Variants in DPP6 observed in about 807,000 individuals in gnomAD.
The protein encoded by DPP6 is A-type potassium channel modulatory protein DPP6.
DPP6 carries 69 observed loss-of-function variants against 122.6 expected under a neutral mutation model. The observed-to-expected ratio is 0.56, with a 90% CI of 0.46 to 0.69. DPP6 has a LOEUF of 0.69. Among genes scored for constraint, DPP6 ranks in the 30% least tolerant of loss-of-function variants. DPP6 has a pLI of 0.00. For missense variants in DPP6, 928 were observed against 1,116.9 expected, an observed-to-expected ratio of 0.83 and a Z score of 2.41; for synonymous variants, 418 against 433.1, an observed-to-expected ratio of 0.97 and a Z score of 0.43.
Position 154,403,185 on chromosome 7 carries a change from C to T in DPP6, c.244-43029C>T, listed in dbSNP as rs1380125433. 1.3e-5 allele frequency among the ~76,000 whole-genome samples: 2 copies of T among 152,188 alleles called. No individual in the cohort carries two copies. The highest frequency in any genetic ancestry group is 2.4e-5 in the African/African-American group (1 of 41,450). ...GTGTCACCCACGTTAGTTCCCTGGA[C>T]TCAGCAGGTCGCCACCGTGAGGCCC... On this transcript the variant is annotated intron_variant, in intron 1 of 25. Transcript: ENST00000377770. The surrounding 1 kb of genome is among the most constrained non-coding windows in gnomAD (Gnocchi z 4.1).
chr7:154,785,602 A>G (rs1372986844), intron 10 of DPP6, among the ~76,000 whole-genome samples: 1 of 152,106 alleles, frequency 6.6e-6, no homozygotes. Context: ...CCTTTCCTAC[A>G]AGTCCCTTTC....
At position 154,240,562 on chromosome 7, in the gene DPP6, G is replaced by T. The variant is rs116484923; in HGVS notation, c.243+187499G>T. On this transcript the variant is annotated intron_variant, in intron 1 of 25. Coordinates refer to ENST00000377770, the MANE Select transcript of DPP6 (RefSeq NM_130797.4). ...AAGCTATTATAAATAACTATCTCCT[G>T]TAAAATCATGAACATAGAGTGTATG... 5.4e-3 allele frequency among the ~76,000 whole-genome samples: 824 copies of T among 152,278 alleles called. 11 individuals are homozygous for T. The highest frequency in any genetic ancestry group is 0.019 in the African/African-American group (780 of 41,548).
intron 1 of DPP6, among the ~76,000 whole-genome samples, chr7:154,284,203 G>A (rs796129210): frequency 2.0e-5 from 3 of 152,238 alleles, no homozygotes; most frequent in African/African-American, 7.2e-5. Flanking sequence ...GCCTGTGTAG[G>A]TGAGTCTTTG....
intron 1 of DPP6, among the ~76,000 whole-genome samples, chr7:153,991,829 A>G (rs1797191568): frequency 6.6e-6 from 1 of 150,882 alleles, no homozygotes; most frequent in Non-Finnish European, 1.5e-5. Context: ...CCCCACAACT[A>G]CTCTCCATCT....
At chr7:154,305,587 T>TGC (rs748901912) in intron 1 of DPP6, 19 of 1,564,492 alleles carry the variant, frequency 1.2e-5, no homozygotes, top group Admixed American at 9.4e-5. Context: ...TGTGTGTGTG[T>TGC]GCGTGCGTGT....
intron 5 of DPP6, among the ~76,000 whole-genome samples, chr7:154,588,900 C>A (rs907926390): frequency 1.3e-5 from 2 of 152,146 alleles, no homozygotes; most frequent in African/African-American, 2.4e-5. Flanking sequence ...AGTGAAAAAA[C>A]AGAATCTGGA....
intron 16 of DPP6, among the ~76,000 whole-genome samples, chr7:154,813,375 G>A (rs184410427): frequency 1.6e-3 from 243 of 152,174 alleles, no homozygotes; most frequent in Middle Eastern, 3.4e-3. Context: ...GAGCCACCGT[G>A]CCTGGCCAAT....
chr7:154,354,153 C>T (rs974405323), intron 1 of DPP6, among the ~76,000 whole-genome samples: 2 of 152,210 alleles, frequency 1.3e-5, no homozygotes, highest in African/African-American at 4.8e-5. Flanking sequence ...GGAAGTATCA[C>T]TGCCACCTAA....
At chr7:153,849,943 A>G in the DPP6 span, among the ~76,000 whole-genome samples, 13 of 152,110 alleles carry the variant, frequency 8.5e-5, no homozygotes, top group Admixed American at 6.5e-4. Flanking sequence ...CTATTATTTA[A>G]TAGATAAATT....
the DPP6 span, among the ~76,000 whole-genome samples, chr7:153,818,379 A>T: frequency 6.6e-6 from 1 of 152,070 alleles, no homozygotes; most frequent in Admixed American, 6.6e-5. Context: ...ACATATTAAA[A>T]CATATATAAA....
In DPP6 at chr7:153,995,146, AG is replaced by A. The variant is rs1186733271; in HGVS notation, c.51+107413del. The stretch of plus-strand genomic sequence containing the variant: ...GTTGCTAGAAGTAAACCACAGATTG[AG>A]CTCTGAGCTTCCTAATAGCCATGGC... On this transcript the variant is annotated intron_variant, in intron 1 of 25. Coordinates refer to the DPP6 transcript ENST00000404039. 3.9e-5 allele frequency among the ~76,000 whole-genome samples: 6 copies of A among 152,308 alleles called. No homozygotes were observed. In the East Asian group the frequency reaches 1.2e-3, roughly 29 times the overall value.
At chr7:153,877,052 T>C in the DPP6 span, among the ~76,000 whole-genome samples, 1 of 152,012 alleles carries the variant, frequency 6.6e-6, no homozygotes, top group Non-Finnish European at 1.5e-5. Flanking sequence ...GACATTACTG[T>C]ACACTACTGT....
At chr7:154,807,679 G>A (rs1178415319) in intron 16 of DPP6, among the ~76,000 whole-genome samples, 1 of 151,914 alleles carries the variant, frequency 6.6e-6, no homozygotes, top group Non-Finnish European at 1.5e-5. Flanking sequence ...AAAATTAGCC[G>A]GGCCTGGTGG....
intron 1 of DPP6, among the ~76,000 whole-genome samples, chr7:154,115,232 C>T (rs569132062): frequency 4.6e-5 from 7 of 152,168 alleles, no homozygotes; most frequent in Admixed American, 1.3e-4. Flanking sequence ...TGCTGTCCCC[C>T]CTTCTGCCAC....
intron 1 of DPP6, among the ~76,000 whole-genome samples, chr7:153,918,458 A>ACT (rs777052590): frequency 9.9e-4 from 94 of 95,234 alleles, no homozygotes; most frequent in Middle Eastern, 0.01. Flanking sequence ...ACACACACAC[A>ACT]CACACACACT....
chr7:154,692,969 G>A (rs911706529), intron 7 of DPP6, among the ~76,000 whole-genome samples: 2 of 151,044 alleles, frequency 1.3e-5, no homozygotes, highest in African/African-American at 2.4e-5. Flanking sequence ...TTTTTAAATT[G>A]TCTGTAGAGA....
At chr7:153,797,842 C>CTTTTTT in the DPP6 span, among the ~76,000 whole-genome samples, 3 of 151,430 alleles carry the variant, frequency 2.0e-5, no homozygotes, top group Non-Finnish European at 4.4e-5. Flanking sequence ...TCTTCTTCTT[C>CTTTTTT]TTTTTTTTCT....
intron 1 of DPP6, among the ~76,000 whole-genome samples, chr7:153,951,162 C>T (rs78771137): frequency 0.035 from 5,330 of 152,206 alleles, 274 homozygotes; most frequent in African/African-American, 0.12. Context: ...GTGGCCCTGG[C>T]GAGAGCTACT....
intron 7 of DPP6, among the ~76,000 whole-genome samples, chr7:154,718,104 G>T (rs1220087563): frequency 6.6e-6 from 1 of 152,068 alleles, no homozygotes; most frequent in Non-Finnish European, 1.5e-5. Context: ...AAATGATTTG[G>T]TTTTTGCTAT....
Sources: allele counts gnomAD v4.1 joint callset (sites outside exome capture counted in the v4.1 genomes callset), GRCh38; gene constraint gnomAD v4.1.1; non-coding constraint Gnocchi (gnomAD v3.1); transcripts MANE v1.5; gene names NCBI Gene and HGNC (gene_info 2026-07-23, HGNC 2026-07-21).